The following HS6ST3 variants were observed in gnomAD, a reference collection of about 807,000 sequenced individuals.
HS6ST3 encodes heparan sulfate 6-O-sulfotransferase 3.
In HS6ST3, 12 loss-of-function variants were observed where a neutral mutation model predicts 36.7. The observed-to-expected ratio is 0.33, with a 90% confidence interval of 0.21 to 0.53. HS6ST3 has a LOEUF of 0.53. Ranked by LOEUF, HS6ST3 falls within the 20% of genes least tolerant of loss-of-function variation. The probability of loss-of-function intolerance (pLI) is 0.95; values close to 1 mark genes in which losing one functional copy is unlikely to be tolerated. For synonymous variants in HS6ST3, 240 were observed against 257.5 expected, an observed-to-expected ratio of 0.93 and a Z score of 0.65; for missense variants, 584 against 640.9, an observed-to-expected ratio of 0.91 and a Z score of 0.96.
intron 1 of HS6ST3, among the ~76,000 whole-genome samples, chr13:96,274,300 G>C (rs545345834): frequency 6.6e-6 from 1 of 151,766 alleles, no homozygotes; most frequent in Non-Finnish European, 1.5e-5. Context: ...ATTTCTGTTG[G>C]GCATAAGCTT....
rs541012126 is a variant in HS6ST3, at chr13:96,123,908, G to T, written c.707+32339G>T. On this transcript the variant is annotated intron_variant, in intron 1 of 1. Coordinates refer to ENST00000376705, the MANE Select transcript of HS6ST3 (RefSeq NM_153456.4). ...TTCCAGAAAAGCTACTTTGCTGAGG[G>T]TTTGCAATACTACAGTTAAGAATCC... is the stretch of plus-strand genomic sequence containing the variant. Among the ~76,000 whole-genome samples, 42 of 152,248 alleles carry T rather than the reference G, an allele frequency of 2.8e-4. No individual in the cohort carries two copies. In the South Asian group the frequency reaches 7.5e-3, roughly 27 times the overall value.
At chr13:96,679,162 G>T (rs1362852782) in intron 1 of HS6ST3, among the ~76,000 whole-genome samples, 1 of 149,740 alleles carries the variant, frequency 6.7e-6, no homozygotes, top group East Asian at 2.0e-4. Flanking sequence ...TCTTATTTCA[G>T]TTCCACAAGG....
At chr13:96,748,812 T>C (rs1210167899) in intron 1 of HS6ST3, among the ~76,000 whole-genome samples, 1 of 152,056 alleles carries the variant, frequency 6.6e-6, no homozygotes, top group Non-Finnish European at 1.5e-5. Flanking sequence ...CTTCCTTCTT[T>C]TATAGTGCAA....
chr13:96,260,228 TCC>T (rs2054657287), intron 1 of HS6ST3, among the ~76,000 whole-genome samples: 1 of 129,018 alleles, frequency 7.8e-6, no homozygotes, highest in Non-Finnish European at 1.6e-5. Flanking sequence ...ATTTATTTTT[TCC>T]CTTCCTTCCT....
At chr13:96,822,513 A>T (rs1420397106) in intron 1 of HS6ST3, among the ~76,000 whole-genome samples, 1 of 152,132 alleles carries the variant, frequency 6.6e-6, no homozygotes, top group African/African-American at 2.4e-5. Context: ...CCACCCGAAA[A>T]TCATGGCATT....
At chr13:96,651,685 C>T (rs1594827617) in intron 1 of HS6ST3, among the ~76,000 whole-genome samples, 1 of 152,236 alleles carries the variant, frequency 6.6e-6, no homozygotes, top group South Asian at 2.1e-4. Flanking sequence ...AAAACTCCCT[C>T]CTTTCTCCAG....
intron 1 of HS6ST3, among the ~76,000 whole-genome samples, chr13:96,530,690 T>C (rs1344272654): frequency 6.6e-6 from 1 of 152,144 alleles, no homozygotes; most frequent in Non-Finnish European, 1.5e-5. Context: ...TTCTTTCTAC[T>C]TCTGATACGT....
intron 1 of HS6ST3, among the ~76,000 whole-genome samples, chr13:96,385,791 C>T (rs1008743500): frequency 6.6e-6 from 1 of 152,066 alleles, no homozygotes; most frequent in Non-Finnish European, 1.5e-5. Flanking sequence ...ATTTTAGGTA[C>T]TGTAATTTGC....
At chr13:96,149,383 A>G (rs1471580817) in intron 1 of HS6ST3, among the ~76,000 whole-genome samples, 1 of 152,058 alleles carries the variant, frequency 6.6e-6, no homozygotes, top group Non-Finnish European at 1.5e-5. Flanking sequence ...TTTTTATAGC[A>G]TTTTTCATTT....
At chr13:96,441,934 T>C (rs188456439) in intron 1 of HS6ST3, among the ~76,000 whole-genome samples, 4 of 152,208 alleles carry the variant, frequency 2.6e-5, no homozygotes, top group Admixed American at 1.3e-4. Context: ...TGGAAATAAA[T>C]TTGTAATCAT....
At chr13:96,468,483 C>T (rs1211817393) in intron 1 of HS6ST3, among the ~76,000 whole-genome samples, 3 of 33,126 alleles carry the variant, frequency 9.1e-5, no homozygotes, top group African/African-American at 5.3e-4. Flanking sequence ...CACATACACA[C>T]ACACACACAC....
intron 1 of HS6ST3, among the ~76,000 whole-genome samples, chr13:96,191,179 C>A (rs2139345671): frequency 6.6e-6 from 1 of 152,318 alleles, no homozygotes; most frequent in Admixed American, 6.5e-5. Context: ...ATGCCATCAC[C>A]ATTCATGGCA....
intron 1 of HS6ST3, among the ~76,000 whole-genome samples, chr13:96,447,981 C>T (rs2055707488): frequency 6.6e-6 from 1 of 152,178 alleles, no homozygotes; most frequent in Non-Finnish European, 1.5e-5. Context: ...CTCCACTCAT[C>T]AGAGCTGTAT....
chr13:96,540,139 A>G (rs2056172277), intron 1 of HS6ST3, among the ~76,000 whole-genome samples: 1 of 152,112 alleles, frequency 6.6e-6, no homozygotes. Flanking sequence ...AAAGTTTTGA[A>G]TTTTTCCTGG....
At chr13:96,406,644 T>C (rs1280127883) in intron 1 of HS6ST3, among the ~76,000 whole-genome samples, 1 of 152,196 alleles carries the variant, frequency 6.6e-6, no homozygotes, top group Non-Finnish European at 1.5e-5. Context: ...AAAAATGCAG[T>C]TAGTGTTCTT....
At chr13:96,405,886 G>A (rs1001436718) in intron 1 of HS6ST3, among the ~76,000 whole-genome samples, 1 of 152,054 alleles carries the variant, frequency 6.6e-6, no homozygotes, top group African/African-American at 2.4e-5. Flanking sequence ...GGTGAGTTTT[G>A]AGCCAATTTG....
chr13:96,531,239 G>A (rs2056134307), intron 1 of HS6ST3, among the ~76,000 whole-genome samples: 1 of 152,084 alleles, frequency 6.6e-6, no homozygotes, highest in Non-Finnish European at 1.5e-5. Context: ...TTGCCCCATA[G>A]CCAGGCTCTG....
At chr13:96,308,385 T>G (rs2054924232) in intron 1 of HS6ST3, among the ~76,000 whole-genome samples, 1 of 152,102 alleles carries the variant, frequency 6.6e-6, no homozygotes, top group Non-Finnish European at 1.5e-5. Flanking sequence ...GGAACAATGC[T>G]TTAAATGTCA....
rs1877656385 is a variant in HS6ST3, at chr13:96,786,508, A to G, written c.708-45982A>G. Among the ~76,000 whole-genome samples the G allele has an allele frequency of 2.0e-5, 3 of 152,264 alleles. No individual in the cohort carries two copies. The South Asian group carries it at 6.2e-4, about 32-fold the overall frequency. ...GTGTACCGTAAATATTAACTAATAA[A>G]TGGATATGTTTTGGGGCAAAAATTT... is the stretch of plus-strand genomic sequence containing the variant. On this transcript the variant is annotated intron_variant, in intron 1 of 1. Coordinates refer to ENST00000376705, the MANE Select transcript of HS6ST3 (RefSeq NM_153456.4).
Sources: allele counts gnomAD v4.1 joint callset (sites outside exome capture counted in the v4.1 genomes callset), GRCh38; gene constraint gnomAD v4.1.1; transcripts MANE v1.5; gene names NCBI Gene and HGNC (gene_info 2026-07-23, HGNC 2026-07-21).